The following EPC2 variants were observed in gnomAD, a reference collection of about 807,000 sequenced individuals.
EPC2 encodes the protein enhancer of polycomb homolog 2.
In EPC2, 14 loss-of-function variants were observed where a neutral mutation model predicts 92.1. That is an observed-to-expected ratio of 0.15 (90% CI 0.10 to 0.24). EPC2 has a LOEUF of 0.24. Among genes scored for constraint, EPC2 ranks in the 10% least tolerant of loss-of-function variants. The pLI, the probability that EPC2 is intolerant of heterozygous loss-of-function variation, is 1.00. For missense variants in EPC2, 755 were observed against 971.5 expected (o/e 0.78, Z 2.96); for synonymous variants, 340 against 334.7 (o/e 1.02, Z -0.17).
chr2:148,693,613 C>T lies in EPC2; in HGVS notation c.313+3240C>T, dbSNP rs1681684181. Among the ~76,000 whole-genome samples the T allele has an allele frequency of 2.0e-5, 3 of 152,108 alleles. No individual in the cohort carries two copies. In the South Asian group the frequency reaches 6.2e-4, roughly 32 times the overall value. On this transcript the variant is annotated intron_variant, in intron 2 of 13. Coordinates refer to ENST00000258484, the MANE Select transcript of EPC2 (RefSeq NM_015630.4). ...GTAACCTCCTCGCGATCAGGGGCTC[C>T]ATCTTATGGTACTTTAGAATTTTTA...
chr2:148,667,032 A>G (rs1681069714), intron 1 of EPC2, among the ~76,000 whole-genome samples: 1 of 152,234 alleles, frequency 6.6e-6, no homozygotes. Context: ...TATAAGTTAA[A>G]TCTGTCACAG....
In EPC2 at chr2:148,764,997, G is replaced by C. The variant is rs944322199; in HGVS notation, c.991G>C (p.Val331Leu). ...LSLKEEASDV[V>L]RQKKKYPKKP... The stretch of plus-strand genomic sequence containing the variant: ...TTTGAAAGAAGAGGCTTCTGATGTG[G>C]TTCGTCAAAAGAAGAAGTACCCAAA... The change falls in exon 7 of 14, where the codon GTT becomes CTT. Residue 331 changes from valine (V) to leucine (L), a missense_variant. Coordinates refer to ENST00000258484, the MANE Select transcript of EPC2 (RefSeq NM_015630.4). The C allele has an allele frequency of 1.0e-5, 16 of 1,601,960 alleles. 1 individual carries two copies. The East Asian group carries it at 3.6e-4, about 36-fold the overall frequency.
intron 1 of EPC2, among the ~76,000 whole-genome samples, chr2:148,651,876 T>A (rs115250115): frequency 6.6e-6 from 1 of 152,078 alleles, no homozygotes; most frequent in African/African-American, 2.4e-5. Context: ...ACTTTAGAAA[T>A]TAAGTAACTC....
intron 1 of EPC2, among the ~76,000 whole-genome samples, chr2:148,661,255 TG>T (rs1237407628): frequency 6.6e-6 from 1 of 152,174 alleles, no homozygotes; most frequent in African/African-American, 2.4e-5. Context: ...GGGTTGGTTT[TG>T]TGCATTTTTT....
At chr2:148,730,287 G>A (rs1038433408) in intron 2 of EPC2, among the ~76,000 whole-genome samples, 2 of 152,162 alleles carry the variant, frequency 1.3e-5, no homozygotes, top group South Asian at 2.1e-4. Flanking sequence ...CCAAGCAAAG[G>A]AGATTATGGT....
At chr2:148,707,998 C>T (rs750825603) in intron 2 of EPC2, among the ~76,000 whole-genome samples, 1 of 152,106 alleles carries the variant, frequency 6.6e-6, no homozygotes, top group Non-Finnish European at 1.5e-5. Flanking sequence ...AACTTAAGAT[C>T]AGAGCAGAAC....
At chr2:148,758,207 A>G (rs72864216) in intron 4 of EPC2, among the ~76,000 whole-genome samples, 1,960 of 152,252 alleles carry the variant, frequency 0.013, 23 homozygotes, top group Non-Finnish European at 0.021. Context: ...GCATTTCCTT[A>G]CAGTAGATTT....
intron 10 of EPC2, among the ~76,000 whole-genome samples, chr2:148,778,325 C>T (rs2105438176): frequency 6.6e-6 from 1 of 152,334 alleles, no homozygotes; most frequent in Non-Finnish European, 1.5e-5. Flanking sequence ...ACGATCACCT[C>T]ACCCAAAGCT....
chr2:148,705,067 A>G (rs1681965519), intron 2 of EPC2, among the ~76,000 whole-genome samples: 1 of 152,108 alleles, frequency 6.6e-6, no homozygotes, highest in African/African-American at 2.4e-5. Context: ...AATCCCAGAC[A>G]CTATTTCACC....
intron 2 of EPC2, among the ~76,000 whole-genome samples, chr2:148,739,097 C>T (rs1354621445): frequency 1.3e-5 from 2 of 152,174 alleles, no homozygotes; most frequent in Non-Finnish European, 2.9e-5. Context: ...TTCGTCACTC[C>T]TTCCTTGGCT....
intron 2 of EPC2, among the ~76,000 whole-genome samples, chr2:148,715,005 C>T (rs1367504603): frequency 6.2e-5 from 9 of 146,186 alleles, no homozygotes; most frequent in Non-Finnish European, 1.0e-4. Flanking sequence ...TGAATGGTAT[C>T]GCCTAGATTT....
chr2:148,771,295 G>T lies in EPC2; in HGVS notation c.1628G>T (p.Cys543Phe). Residue 543 changes from cysteine to phenylalanine, a missense_variant, in exon 10 of 14, where the codon TGT (cysteine) becomes TTT (phenylalanine). Cys to Phe is a radical substitution (Grantham distance 205, BLOSUM62 -2). This residue lies in a region of EPC2 where 509 missense variants were observed against 607.7 expected (regional missense o/e 0.84). Transcript: ENST00000258484. The part of the protein sequence containing the change: ...LNLQDSDSEE[C>F]TSRKPGQTVN... ...TTACAGGACAGTGATAGTGAAGAATGTACCTCAAGAAAACCAGGGCAGACT... is the reference window on the plus strand; with the variant it reads ...TTACAGGACAGTGATAGTGAAGAATTTACCTCAAGAAAACCAGGGCAGACT... 6.2e-7 allele frequency: 1 copy of T among 1,613,972 alleles called. No homozygotes were observed. Among genetic ancestry groups the T allele is most frequent in the African/African-American group, 1.3e-5 (1 of 75,060 alleles).
chr2:148,728,649 G>A (rs1209883304), intron 2 of EPC2, among the ~76,000 whole-genome samples: 2 of 150,778 alleles, frequency 1.3e-5, no homozygotes, highest in Non-Finnish European at 2.9e-5. Context: ...AGGATCACTT[G>A]AGCCTAAGAG....
intron 2 of EPC2, among the ~76,000 whole-genome samples, chr2:148,714,680 T>G (rs1449151331): frequency 1.3e-5 from 2 of 152,226 alleles, no homozygotes; most frequent in Non-Finnish European, 2.9e-5. Context: ...TGAGCTTCTT[T>G]TCATGTTTGT....
intron 11 of EPC2, 24 bp from the exon 12 acceptor site, chr2:148,783,573 T>G: frequency 6.3e-7 from 1 of 1,579,366 alleles, no homozygotes. Flanking sequence ...AAAATTAGAG[T>G]GTTTAACTTT....
intron 1 of EPC2, among the ~76,000 whole-genome samples, chr2:148,663,532 A>G (rs1680990032): frequency 7.0e-6 from 1 of 142,610 alleles, no homozygotes; most frequent in African/African-American, 2.6e-5. Context: ...TTTTTGTATT[A>G]TTTAATGCAA....
chr2:148,656,001 C>CTGTGTGTGTGTGTGTGTGTG (rs1553537658), intron 1 of EPC2, among the ~76,000 whole-genome samples: 1 of 59,904 alleles, frequency 1.7e-5, no homozygotes, highest in South Asian at 4.4e-4. Flanking sequence ...CTGCTGTTAG[C>CTGTGTGTGTGTGTGTGTGTG]TGTGTGTGTG....
chr2:148,714,658 G>C (rs947209306), intron 2 of EPC2, among the ~76,000 whole-genome samples: 1 of 152,180 alleles, frequency 6.6e-6, no homozygotes. Flanking sequence ...TTTCTCTAAT[G>C]ATCAGTGGTG....
chr2:148,770,956 C>G lies in EPC2; in HGVS notation c.1376+19C>G, dbSNP rs751190643. On this transcript the variant is annotated intron_variant, in intron 9 of 13. Transcript: ENST00000258484. ...GTGGAAGGTGAAGTATTTGTTTTCA[C>G]CTGGTTTTTGTTTGCTATCTGGAAC... 6.2e-7 allele frequency: 1 copy of G among 1,603,942 alleles called. No homozygotes were observed. The highest frequency in any genetic ancestry group is 1.3e-5 in the African/African-American group (1 of 74,382).
Sources: allele counts gnomAD v4.1 joint callset (sites outside exome capture counted in the v4.1 genomes callset), GRCh38; gene constraint gnomAD v4.1.1; regional missense constraint gnomAD v4.1.1; transcripts MANE v1.5; gene names NCBI Gene and HGNC (gene_info 2026-07-23, HGNC 2026-07-21).